The following ROBO2 variants were observed in gnomAD, a reference collection of about 807,000 sequenced individuals.
ROBO2 encodes roundabout guidance receptor 2.
In ROBO2, 53 loss-of-function variants were observed where a neutral mutation model predicts 160.8. The ratio of observed to expected loss-of-function variants is 0.33; its 90% CI spans 0.26 to 0.41. ROBO2 has a LOEUF of 0.41. ROBO2 is among the 10% of genes least tolerant of loss of function. The pLI is 1.00. For synonymous variants in ROBO2, 664 were observed against 611.7 expected (o/e 1.09, Z -1.26); for missense variants, 1,577 against 1,722.4 (o/e 0.92, Z 1.49).
At chr3:77,484,598 C>T (rs942377514) in intron 4 of ROBO2, among the ~76,000 whole-genome samples, 1 of 151,280 alleles carries the variant, frequency 6.6e-6, no homozygotes, top group Non-Finnish European at 1.5e-5. Flanking sequence ...GGATTTGTTT[C>T]CATATTTCTG....
At chr3:76,375,592 T>C (rs1005298299) in intron 2 of ROBO2, among the ~76,000 whole-genome samples, 2 of 151,916 alleles carry the variant, frequency 1.3e-5, no homozygotes, top group Non-Finnish European at 2.9e-5. Context: ...TATAAAGTGC[T>C]CAGGTAGCAT....
intron 9 of ROBO2, among the ~76,000 whole-genome samples, chr3:77,558,427 A>G (rs2093204634): frequency 6.6e-6 from 1 of 152,136 alleles, no homozygotes; most frequent in Non-Finnish European, 1.5e-5. Flanking sequence ...TCTTAAACAC[A>G]TAGCATTAAT....
chr3:76,804,966 A>C (rs1406659797), intron 2 of ROBO2, among the ~76,000 whole-genome samples: 2 of 152,150 alleles, frequency 1.3e-5, no homozygotes, highest in Non-Finnish European at 1.5e-5. Context: ...ATTTCCATTA[A>C]AATCAATGAT....
intron 2 of ROBO2, among the ~76,000 whole-genome samples, chr3:77,213,147 A>ATGGGG (rs2084421887): frequency 6.6e-6 from 1 of 152,164 alleles, no homozygotes; most frequent in African/African-American, 2.4e-5. Context: ...TTTCAGAAGG[A>ATGGGG]ATGGTACCAG....
chr3:76,880,168 T>C (rs2073188988), intron 2 of ROBO2, among the ~76,000 whole-genome samples: 1 of 152,114 alleles, frequency 6.6e-6, no homozygotes, highest in Admixed American at 6.6e-5. Flanking sequence ...AATGTCTCCC[T>C]TTTTCCCGGT....
intron 2 of ROBO2, among the ~76,000 whole-genome samples, chr3:76,769,404 TA>T (rs1700056216): frequency 6.6e-6 from 1 of 151,024 alleles, no homozygotes; most frequent in South Asian, 2.1e-4. Context: ...CTTTGAGGAG[TA>T]AAAACAGAGA....
intron 2 of ROBO2, among the ~76,000 whole-genome samples, chr3:76,405,144 G>A (rs1028652592): frequency 1.3e-4 from 20 of 151,440 alleles, no homozygotes; most frequent in Non-Finnish European, 5.9e-5. Flanking sequence ...TTTGAGGAAG[G>A]CCTCTTTGAT....
intron 1 of ROBO2, among the ~76,000 whole-genome samples, chr3:77,065,940 G>A (rs759341799): frequency 5.9e-5 from 9 of 152,138 alleles, no homozygotes; most frequent in East Asian, 5.8e-4. Context: ...CAAAATTGGC[G>A]TAATTGGCAT....
chr3:76,201,218 A>G (rs1702510733), intron 2 of ROBO2, among the ~76,000 whole-genome samples: 2 of 152,304 alleles, frequency 1.3e-5, no homozygotes, highest in Admixed American at 6.5e-5. Context: ...TGAAAAATCC[A>G]TGCAGTGAGT....
chr3:76,712,075 T>C (rs2093304612), intron 2 of ROBO2, among the ~76,000 whole-genome samples: 1 of 152,220 alleles, frequency 6.6e-6, no homozygotes, highest in Admixed American at 6.5e-5. Flanking sequence ...AGGCTTGCAT[T>C]AATACTTACT....
chr3:76,094,417 T>A (rs1287065597), intron 2 of ROBO2, among the ~76,000 whole-genome samples: 1 of 152,214 alleles, frequency 6.6e-6, no homozygotes, highest in African/African-American at 2.4e-5. Context: ...TTTGTTTTAT[T>A]TTCAAGGATT....
chr3:76,044,745 A>G (rs2067395741), intron 2 of ROBO2, among the ~76,000 whole-genome samples: 1 of 152,072 alleles, frequency 6.6e-6, no homozygotes, highest in African/African-American at 2.4e-5. Flanking sequence ...CTCTGGGATA[A>G]GTGCCATGAC....
intron 2 of ROBO2, among the ~76,000 whole-genome samples, chr3:76,557,056 C>T (rs191826339): frequency 6.6e-6 from 1 of 152,078 alleles, no homozygotes; most frequent in East Asian, 1.9e-4. Context: ...TAGATAGTTA[C>T]CTTAATACCT....
chr3:76,530,955 A>G (rs2082193517), intron 2 of ROBO2, among the ~76,000 whole-genome samples: 2 of 152,110 alleles, frequency 1.3e-5, no homozygotes, highest in Admixed American at 1.3e-4. Context: ...TGTATCCCCC[A>G]CATGTATGTG....
chr3:77,090,080 A>G (rs1049014483), intron 1 of ROBO2, among the ~76,000 whole-genome samples: 2 of 152,160 alleles, frequency 1.3e-5, no homozygotes. Context: ...TAAAGCTATC[A>G]GCCTGGTCCA....
intron 2 of ROBO2, among the ~76,000 whole-genome samples, chr3:77,212,434 A>C (rs2084303451): frequency 6.6e-6 from 1 of 152,160 alleles, no homozygotes. Context: ...TTGTATCCTG[A>C]GACTTTGCTG....
chr3:76,803,429 A>ATAG (rs2108882158), intron 2 of ROBO2, among the ~76,000 whole-genome samples: 1 of 142,558 alleles, frequency 7.0e-6, no homozygotes, highest in Non-Finnish European at 1.5e-5. Flanking sequence ...AGGATACAAA[A>ATAG]GAGGAGGAAG....
chr3:76,075,166 G>T (rs1444705099), intron 2 of ROBO2, among the ~76,000 whole-genome samples: 1 of 151,794 alleles, frequency 6.6e-6, no homozygotes, highest in Admixed American at 6.6e-5. Flanking sequence ...CTTGTGTGGA[G>T]CCCTGTCACC....
chr3:77,499,458 A>G (rs574304060), intron 5 of ROBO2, among the ~76,000 whole-genome samples: 1 of 152,154 alleles, frequency 6.6e-6, no homozygotes, highest in South Asian at 2.1e-4. Context: ...ATGCACATAC[A>G]TGGTGCCTCA....
Sources: gnomAD v4.1 joint callset for allele counts (sites outside exome capture counted in the v4.1 genomes callset) on GRCh38, gnomAD v4.1.1 for gene constraint, MANE v1.5 for transcripts, NCBI Gene and HGNC (gene_info 2026-07-23, HGNC 2026-07-21) for gene names.